ADGRV1: variants seen among roughly 807,000 people sequenced by gnomAD.
ADGRV1 encodes the protein G-protein coupled receptor 98.
ADGRV1 carries 359 observed loss-of-function variants against 596.2 expected under a neutral mutation model. That is an observed-to-expected ratio of 0.60 (90% confidence interval 0.55 to 0.66). The LOEUF is 0.66. ADGRV1 is among the 30% of genes least tolerant of loss of function. ADGRV1 has a pLI of 0.00. For synonymous variants in ADGRV1, 2,681 were observed against 2,679.2 expected, an observed-to-expected ratio of 1.00 and a Z score of -0.02; for missense variants, 7,274 against 7,575.6, an observed-to-expected ratio of 0.96 and a Z score of 1.48.
At chr5:90,916,959 G>T (rs888261064) in intron 83 of ADGRV1, among the ~76,000 whole-genome samples, 1 of 152,136 alleles carries the variant, frequency 6.6e-6, no homozygotes, top group African/African-American at 2.4e-5. Flanking sequence ...ATGTATATTT[G>T]TGTATCTCAA....
chr5:91,028,469 C>G (rs1784198139), intron 85 of ADGRV1, among the ~76,000 whole-genome samples: 1 of 152,122 alleles, frequency 6.6e-6, no homozygotes, highest in African/African-American at 2.4e-5. Flanking sequence ...GTCTTGATAT[C>G]TTTTCATTTT....
intron 27 of ADGRV1, among the ~76,000 whole-genome samples, chr5:90,683,017 A>C (rs901788485): frequency 6.6e-6 from 1 of 152,192 alleles, no homozygotes; most frequent in Admixed American, 6.5e-5. Flanking sequence ...CATTCCTTGC[A>C]ATGAAATATA....
chr5:90,731,672 G>A (rs1017420700), intron 50 of ADGRV1, among the ~76,000 whole-genome samples: 2 of 152,170 alleles, frequency 1.3e-5, no homozygotes, highest in Non-Finnish European at 2.9e-5. Context: ...TGCTGAGATT[G>A]GAGATACAAC....
At chr5:90,970,351 CT>C (rs1449699984) in intron 84 of ADGRV1, among the ~76,000 whole-genome samples, 1 of 152,166 alleles carries the variant, frequency 6.6e-6, no homozygotes, top group African/African-American at 2.4e-5. Context: ...TTAAGTGTCC[CT>C]GTCTGACAGT....
At chr5:90,620,846 A>G (rs932720391) in intron 4 of ADGRV1, among the ~76,000 whole-genome samples, 4 of 152,208 alleles carry the variant, frequency 2.6e-5, no homozygotes, top group African/African-American at 4.8e-5. Flanking sequence ...AAAACTTACT[A>G]TGAACTTAAA....
chr5:90,744,451 T>G (rs548271613), intron 50 of ADGRV1, among the ~76,000 whole-genome samples: 3 of 152,292 alleles, frequency 2.0e-5, no homozygotes, highest in African/African-American at 7.2e-5. Flanking sequence ...ACTTAATATT[T>G]AATAATTAAA....
chr5:90,807,528 A>G, intron 72 of ADGRV1, 74 bp from the exon 73 acceptor site: 1 of 1,395,198 alleles, frequency 7.2e-7, no homozygotes, highest in South Asian at 1.4e-5. Context: ...ATACACTACT[A>G]CAGTTTTAAA....
chr5:90,916,776 G>T (rs1581503448), intron 83 of ADGRV1, among the ~76,000 whole-genome samples: 1 of 147,504 alleles, frequency 6.8e-6, no homozygotes, highest in Non-Finnish European at 1.5e-5. Flanking sequence ...GGGACTACAG[G>T]CGCCCGCCAC....
In ADGRV1 at chr5:90,759,396, C is replaced by T. The variant is rs768382748; in HGVS notation, c.11941-13C>T. 1.2e-5 allele frequency: 19 copies of T among 1,530,938 alleles called. No homozygotes were observed. The highest frequency in any genetic ancestry group is 1.7e-4 in the Middle Eastern group (1 of 5,972). 94.8% of individuals were successfully genotyped at this position (1,530,938 alleles called of 1,614,324 possible). ...CCTCCCTCTCTTTCTCCCTTCCTTCCTTTCTTTCATAGGTTACTGCAATGA... is the reference window on the plus strand; with the variant it reads ...CCTCCCTCTCTTTCTCCCTTCCTTCTTTTCTTTCATAGGTTACTGCAATGA... On this transcript the variant is annotated splice_polypyrimidine_tract_variant and intron_variant, in intron 57 of 89. Coordinates refer to ENST00000405460, the MANE Select transcript of ADGRV1 (RefSeq NM_032119.4).
At chr5:91,105,955 A>T (rs1281982206) in intron 87 of ADGRV1, among the ~76,000 whole-genome samples, 1 of 150,852 alleles carries the variant, frequency 6.6e-6, no homozygotes, top group Non-Finnish European at 1.5e-5. Context: ...CCTTTTATTT[A>T]TATTTAATAG....
At chr5:91,148,828 G>A (rs1235654751) in intron 87 of ADGRV1, among the ~76,000 whole-genome samples, 2 of 152,226 alleles carry the variant, frequency 1.3e-5, no homozygotes, top group Admixed American at 1.3e-4. Flanking sequence ...AAGCCACAGG[G>A]GTGGAGCTGT....
At chr5:90,613,955 C>T (rs916184914) in intron 1 of ADGRV1, among the ~76,000 whole-genome samples, 3 of 151,844 alleles carry the variant, frequency 2.0e-5, no homozygotes, top group African/African-American at 7.3e-5. Flanking sequence ...TTTTTATGTT[C>T]GTGTGAATGA....
chr5:91,014,175 C>CACACA (rs56200811), intron 85 of ADGRV1, among the ~76,000 whole-genome samples: 1 of 143,522 alleles, frequency 7.0e-6, no homozygotes, highest in Non-Finnish European at 1.5e-5. Context: ...CACACACACA[C>CACACA]CCCTAGACAT....
intron 2 of ADGRV1, among the ~76,000 whole-genome samples, chr5:90,615,817 T>C (rs1231568457): frequency 1.1e-4 from 16 of 151,954 alleles, no homozygotes; most frequent in Admixed American, 1.0e-3. Flanking sequence ...TTTCATAAAA[T>C]TTTGATTGAA....
intron 83 of ADGRV1, chr5:90,929,748 C>T (rs1775032942): frequency 1.3e-5 from 2 of 152,202 alleles, no homozygotes; most frequent in African/African-American, 2.4e-5. Context: ...TGATTAGGCA[C>T]ATTTTCTTTA....
In ADGRV1 at chr5:90,628,601, T is replaced by C. The variant is rs2149381187; in HGVS notation, c.1278T>C (p.His426=). ...CAGTGGTTAGAAATGGAGGAACCCA[T>C]GGGAATGTCTCTGCGAATTGGGTGT... ...EITVVRNGGT[H]GNVSANWVLT... Residue 426 remains histidine (H), a synonymous_variant, in exon 8 of 90, where the codon CAT becomes CAC. Coordinates refer to ENST00000405460, the MANE Select transcript of ADGRV1 (RefSeq NM_032119.4). 1 of 1,613,882 alleles carries C rather than the reference T, an allele frequency of 6.2e-7. No homozygotes were observed.
intron 85 of ADGRV1, among the ~76,000 whole-genome samples, chr5:91,036,467 C>G (rs1360484890): frequency 6.6e-6 from 1 of 151,604 alleles, no homozygotes; most frequent in Non-Finnish European, 1.5e-5. Context: ...GAGGCTGAGG[C>G]AGGAGAATGG....
At chr5:90,568,651 C>T (rs576009678) in intron 1 of ADGRV1, among the ~76,000 whole-genome samples, 1 of 152,222 alleles carries the variant, frequency 6.6e-6, no homozygotes, top group Non-Finnish European at 1.5e-5. Flanking sequence ...TTTTTTAACT[C>T]TTCCCTTTTC....
Position 90,774,180 on chromosome 5 carries a change from A to G in ADGRV1, c.12286-6A>G, listed in dbSNP as rs1561701455. Reference sequence around the variant, plus strand: ...GAAAATGCACTGTTTCTGTCATTGGATGTAGACTGAGTCCCAGAAGACCAT... The same window carrying G: ...GAAAATGCACTGTTTCTGTCATTGGGTGTAGACTGAGTCCCAGAAGACCAT... On this transcript the variant is annotated splice_polypyrimidine_tract_variant and splice_region_variant and intron_variant, in intron 59 of 89. Transcript: ENST00000405460. The G allele has an allele frequency of 1.3e-6, 2 of 1,544,398 alleles. No homozygotes were observed. Among genetic ancestry groups the G allele is most frequent in the Non-Finnish European group, 8.9e-7 (1 of 1,120,816 alleles).
Sources: allele counts gnomAD v4.1 joint callset (sites outside exome capture counted in the v4.1 genomes callset), GRCh38; gene constraint gnomAD v4.1.1; transcripts MANE v1.5; gene names NCBI Gene and HGNC (gene_info 2026-07-23, HGNC 2026-07-21).